The following UTS2B variants were observed in gnomAD, a reference collection of about 807,000 sequenced individuals.
UTS2B encodes urotensin-2B.
Under a neutral mutation model 19.2 loss-of-function variants are expected in UTS2B, and 21 were observed. The ratio of observed to expected loss-of-function variants is 1.09; its 90% confidence interval spans 0.78 to 1.58. UTS2B has a LOEUF of 1.58. Ranked by LOEUF, UTS2B falls within the 40% of genes most tolerant of loss-of-function variation. The pLI is 0.00. For missense variants in UTS2B, 138 were observed against 130.3 expected (o/e 1.06, Z -0.29); for synonymous variants, 57 against 50.2 (o/e 1.14, Z -0.58).
the UTS2B span, among the ~76,000 whole-genome samples, chr3:191,340,030 T>A: frequency 6.6e-6 from 1 of 152,226 alleles, no homozygotes; most frequent in African/African-American, 2.4e-5. Context: ...GTTATTACAT[T>A]TTTACATGAT....
At chr3:191,297,963 G>A (rs988367983) in intron 4 of UTS2B, among the ~76,000 whole-genome samples, 1 of 152,204 alleles carries the variant, frequency 6.6e-6, no homozygotes. Context: ...ATAACACTGA[G>A]AATTCCAAGC....
intron 5 of UTS2B, among the ~76,000 whole-genome samples, chr3:191,281,461 AATATT>A (rs1716382864): frequency 6.6e-6 from 1 of 151,920 alleles, no homozygotes; most frequent in Non-Finnish European, 1.5e-5. Flanking sequence ...TGTAAATTAT[AATATT>A]ATAAGAGCAG....
At chr3:191,322,602 TAGG>T (rs1717639013) in intron 2 of UTS2B, among the ~76,000 whole-genome samples, 1 of 152,064 alleles carries the variant, frequency 6.6e-6, no homozygotes, top group Admixed American at 6.6e-5. Context: ...TTGCTGTAAA[TAGG>T]AGCAGAAAAC....
At position 191,278,106 on chromosome 3, in the gene UTS2B, A is replaced by G. The variant is rs778297328; in HGVS notation, c.168T>C (p.Asn56=). 24 of 1,569,466 alleles carry G rather than the reference A, an allele frequency of 1.5e-5. No homozygotes were observed. In the Admixed American group the frequency reaches 3.5e-4, roughly 23 times the overall value. The change falls in exon 6 of 9, where the codon AAT becomes AAC. Residue 56 remains asparagine, a synonymous_variant. Coordinates refer to ENST00000340524, the MANE Select transcript of UTS2B (RefSeq NM_198152.5). ...NREELLLALL[N]KNFDFQRPFN... ...AAGGTCTTTGGAAATCAAAATTTTT[A>G]TTCAGTAGAGCCAGCAATAGTTCCT...
At chr3:191,290,520 C>T (rs1203765776) in intron 4 of UTS2B, among the ~76,000 whole-genome samples, 3 of 152,158 alleles carry the variant, frequency 2.0e-5, no homozygotes. Context: ...AAACCCAGAT[C>T]TACCCAACGC....
chr3:191,276,902 T>G (rs1716252116), intron 6 of UTS2B, 58 bp from the exon 7 acceptor site: 1 of 1,476,526 alleles, frequency 6.8e-7, no homozygotes, highest in Non-Finnish European at 9.4e-7. Context: ...TTTAATTTGC[T>G]TCAGTACACA....
At chr3:191,294,905 C>A (rs888534023) in intron 4 of UTS2B, among the ~76,000 whole-genome samples, 2 of 151,718 alleles carry the variant, frequency 1.3e-5, no homozygotes, top group African/African-American at 4.9e-5. Context: ...TTGGCAGGCG[C>A]CTGTAGTCCC....
In UTS2B at chr3:191,316,219, G is replaced by A. The variant is rs35771542; in HGVS notation, c.-365C>T. 34,065 of 152,514 alleles carry A rather than the reference G, an allele frequency of 0.22. 4,150 individuals carry two copies. Among genetic ancestry groups the A allele is most frequent in the South Asian group, 0.29 (1,422 of 4,838 alleles). The allele number at this position is 152,514 out of a possible 1,614,324, so 9.4% of individuals were successfully genotyped here. ...GTTTCCAACAGCATATTAGTGTGCC[G>A]GAATTGGTGGGTTCTTGGTCTCACA... On this transcript the variant is annotated 5_prime_UTR_variant, in exon 3 of 9. Transcript: ENST00000340524.
chr3:191,290,088 T>C (rs1006039748), intron 4 of UTS2B, among the ~76,000 whole-genome samples: 1 of 152,204 alleles, frequency 6.6e-6, no homozygotes, highest in African/African-American at 2.4e-5. Flanking sequence ...AATGAATTGA[T>C]TTTTAAAAAG....
At chr3:191,339,887 A>G in the UTS2B span, among the ~76,000 whole-genome samples, 5 of 152,214 alleles carry the variant, frequency 3.3e-5, no homozygotes, top group African/African-American at 9.7e-5. Flanking sequence ...GAAAGATACT[A>G]TACAGTTGGA....
At chr3:191,289,136 G>A (rs895826266) in intron 4 of UTS2B, among the ~76,000 whole-genome samples, 3 of 152,082 alleles carry the variant, frequency 2.0e-5, no homozygotes, top group Admixed American at 6.6e-5. Context: ...TCAGCCAGGC[G>A]CAGTGGCTCA....
intron 1 of UTS2B, chr3:191,329,730 GC>G (rs1205131541): frequency 6.2e-7 from 1 of 1,608,716 alleles, no homozygotes; most frequent in Non-Finnish European, 8.5e-7. Context: ...GAAGGTAAGG[GC>G]CCCGGAGGGA....
At position 191,282,128 on chromosome 3, in the gene UTS2B, C is replaced by G; in HGVS notation, c.62G>C (p.Ser21Thr). The G allele has an allele frequency of 6.2e-7, 1 of 1,612,786 alleles. No homozygotes were observed. The highest frequency in any genetic ancestry group is 8.5e-7 in the Non-Finnish European group (1 of 1,179,296). The change falls in exon 5 of 9, where the codon AGT (serine) becomes ACT (threonine). Residue 21 changes from serine (S) to threonine (T), a missense_variant. Transcript: ENST00000340524. ...FGLLTLLSVLSFLQSVHGRPY... is the reference protein window; with the variant it reads ...FGLLTLLSVLTFLQSVHGRPY... ...TCGTCCATGCACAGATTGTAAAAAACTCAACACGGATAACAAAGTTAGGAG... is the reference window on the plus strand; with the variant it reads ...TCGTCCATGCACAGATTGTAAAAAAGTCAACACGGATAACAAAGTTAGGAG...
intron 2 of UTS2B, among the ~76,000 whole-genome samples, chr3:191,323,101 G>A (rs1717651277): frequency 6.7e-6 from 1 of 149,308 alleles, no homozygotes; most frequent in Non-Finnish European, 1.5e-5. Flanking sequence ...TTTGGAAAGG[G>A]TATGATGTTC....
At chr3:191,340,924 CTCCTGGGCTCAAGT>C in the UTS2B span, among the ~76,000 whole-genome samples, 1 of 152,184 alleles carries the variant, frequency 6.6e-6, no homozygotes, top group Non-Finnish European at 1.5e-5. Flanking sequence ...TGGCCTCAAG[CTCCTGGGCTCAAGT>C]GATCCTTCTG....
At chr3:191,279,316 T>C (rs776234029) in intron 5 of UTS2B, among the ~76,000 whole-genome samples, 1 of 152,016 alleles carries the variant, frequency 6.6e-6, no homozygotes, top group Non-Finnish European at 1.5e-5. Flanking sequence ...CAAATTTTGC[T>C]CAGCATCAAT....
rs574756352 is a variant in UTS2B, at chr3:191,312,798, A to G, written c.-182+3238T>C. The stretch of plus-strand genomic sequence containing the variant: ...GAGGCCCCCTCCTCTCCTTGTATCA[A>G]TTATATTTGCCTGGGGCTATAGAGA... On this transcript the variant is annotated intron_variant, in intron 3 of 8. Transcript: ENST00000340524. Among the ~76,000 whole-genome samples, 4 of 152,306 alleles carry G rather than the reference A, an allele frequency of 2.6e-5. No homozygotes were observed. The East Asian group carries it at 5.8e-4, about 22-fold the overall frequency.
At chr3:191,323,570 G>T (rs540642769) in intron 2 of UTS2B, among the ~76,000 whole-genome samples, 11 of 152,266 alleles carry the variant, frequency 7.2e-5, no homozygotes, top group African/African-American at 2.6e-4. Context: ...GTGTGTTTTG[G>T]AATAGGAAGT....
the UTS2B span, among the ~76,000 whole-genome samples, chr3:191,336,525 T>C: frequency 3.8e-4 from 58 of 152,314 alleles, no homozygotes; most frequent in East Asian, 0.01. Flanking sequence ...TATTTTCTTA[T>C]TATTGAATTT....
Sources: gnomAD v4.1 joint callset for allele counts (sites outside exome capture counted in the v4.1 genomes callset) on GRCh38, gnomAD v4.1.1 for gene constraint, MANE v1.5 for transcripts, NCBI Gene and HGNC (gene_info 2026-07-23, HGNC 2026-07-21) for gene names.